CSMD3: variants seen among roughly 807,000 people sequenced by gnomAD.
The protein encoded by CSMD3 is CUB and Sushi multiple domains 3, also known as CUB and sushi domain-containing protein 3.
A neutral mutation model predicts 435.2 loss-of-function variants in CSMD3; 177 were observed. That is an observed-to-expected ratio of 0.41 (90% CI 0.36 to 0.46). The LOEUF (loss-of-function observed/expected upper bound fraction) is 0.46. Ranked by LOEUF, CSMD3 falls within the 20% of genes least tolerant of loss-of-function variation. The probability of loss-of-function intolerance (pLI) is 0.34; values close to 1 mark genes in which losing one functional copy is unlikely to be tolerated. For missense variants in CSMD3, 4,265 were observed against 4,504.6 expected (o/e 0.95, Z 1.52); for synonymous variants, 1,656 against 1,520.5 (o/e 1.09, Z -2.07).
intron 28 of CSMD3, among the ~76,000 whole-genome samples, chr8:112,507,486 G>A (rs1211143631): frequency 5.3e-5 from 8 of 152,236 alleles, no homozygotes; most frequent in Admixed American, 4.6e-4. Context: ...CTTCGTGGTG[G>A]GATGGGAGAG....
At chr8:112,638,259 A>C (rs1586860017) in intron 21 of CSMD3, among the ~76,000 whole-genome samples, 1 of 149,628 alleles carries the variant, frequency 6.7e-6, no homozygotes, top group South Asian at 2.1e-4. Context: ...TGGCCTGTTG[A>C]CTATGCCTTC....
chr8:113,360,935 T>C (rs1412871902), intron 1 of CSMD3, among the ~76,000 whole-genome samples: 2 of 152,130 alleles, frequency 1.3e-5, no homozygotes, highest in Non-Finnish European at 2.9e-5. Context: ...TTCAAAGAAA[T>C]GGAAACATTT....
At chr8:113,326,395 CAAT>C (rs1175269786) in intron 1 of CSMD3, among the ~76,000 whole-genome samples, 17 of 151,690 alleles carry the variant, frequency 1.1e-4, no homozygotes. Context: ...ATAACATCTA[CAAT>C]AATAATAACA....
chr8:112,765,666 T>C (rs549624471), intron 13 of CSMD3, among the ~76,000 whole-genome samples: 2 of 151,810 alleles, frequency 1.3e-5, no homozygotes, highest in East Asian at 1.9e-4. Context: ...GCTAAGTTCT[T>C]ATTTGCTAGA....
At chr8:113,399,360 AC>A (rs781505255) in intron 1 of CSMD3, among the ~76,000 whole-genome samples, 6 of 151,588 alleles carry the variant, frequency 4.0e-5, no homozygotes, top group Non-Finnish European at 8.8e-5. Context: ...TTCACAGAAA[AC>A]CTCGTATGCA....
At chr8:113,320,652 C>T (rs1166151542) in intron 1 of CSMD3, among the ~76,000 whole-genome samples, 1 of 152,046 alleles carries the variant, frequency 6.6e-6, no homozygotes, top group Non-Finnish European at 1.5e-5. Flanking sequence ...TTCTTGTCAT[C>T]TTTGTGCATT....
At chr8:113,236,571 C>T (rs1170524894) in intron 3 of CSMD3, among the ~76,000 whole-genome samples, 4 of 151,980 alleles carry the variant, frequency 2.6e-5, no homozygotes, top group South Asian at 2.1e-4. Context: ...TGCCCTTGGA[C>T]ATTAGAACTC....
chr8:112,472,757 T>A (rs1162147386), intron 31 of CSMD3, 50 bp from the exon 32 acceptor site: 1 of 954,182 alleles, frequency 1.0e-6, no homozygotes. Flanking sequence ...TTTTAAAAAA[T>A]TCATACCATG....
At chr8:112,372,284 A>C (rs1828471330) in intron 38 of CSMD3, among the ~76,000 whole-genome samples, 1 of 152,180 alleles carries the variant, frequency 6.6e-6, no homozygotes, top group Admixed American at 6.5e-5. Flanking sequence ...TACAAAATTC[A>C]TGTGTGAAAA....
At chr8:112,810,851 C>G (rs1295559594) in intron 12 of CSMD3, among the ~76,000 whole-genome samples, 1 of 151,814 alleles carries the variant, frequency 6.6e-6, no homozygotes, top group Non-Finnish European at 1.5e-5. Flanking sequence ...TAAGTTACAC[C>G]TTAGGCTTGG....
intron 4 of CSMD3, among the ~76,000 whole-genome samples, chr8:113,104,939 C>T (rs563986460): frequency 3.3e-5 from 5 of 151,928 alleles, no homozygotes; most frequent in East Asian, 1.9e-4. Context: ...ATTTACCTTC[C>T]AAAGAGACAT....
At chr8:112,476,642 G>T (rs1306266952) in intron 31 of CSMD3, among the ~76,000 whole-genome samples, 1 of 152,094 alleles carries the variant, frequency 6.6e-6, no homozygotes, top group East Asian at 1.9e-4. Context: ...ATAATTAATT[G>T]TAATTTTGCT....
intron 3 of CSMD3, among the ~76,000 whole-genome samples, chr8:113,176,023 A>T (rs1588208815): frequency 6.6e-6 from 1 of 152,228 alleles, no homozygotes; most frequent in Non-Finnish European, 1.5e-5. Context: ...TACCTAAAGC[A>T]AAATGGAAAT....
At position 112,380,473 on chromosome 8, in the gene CSMD3, G is replaced by A. The variant is rs2131235803; in HGVS notation, c.6032-17C>T. The A allele has an allele frequency of 7.8e-7, 1 of 1,283,984 alleles. No individual in the cohort carries two copies. Among genetic ancestry groups the A allele is most frequent in the Non-Finnish European group, 1.1e-6 (1 of 879,852 alleles). 79.5% of individuals were successfully genotyped at this position (1,283,984 alleles called of 1,614,324 possible). A position where few individuals can be genotyped will look rare whatever the true frequency, so the allele number is the denominator to read the frequency against. Reference sequence around the variant, plus strand: ...TTGTTGTTCCTGAAATGATATATGAGAAGGCAAGACAATGACCACATAATA... The same window carrying A: ...TTGTTGTTCCTGAAATGATATATGAAAAGGCAAGACAATGACCACATAATA... On this transcript the variant is annotated splice_polypyrimidine_tract_variant and intron_variant, in intron 37 of 70. Coordinates refer to ENST00000297405, the MANE Select transcript of CSMD3 (RefSeq NM_198123.2).
At chr8:113,416,486 G>A (rs1331745736) in intron 1 of CSMD3, among the ~76,000 whole-genome samples, 4 of 152,000 alleles carry the variant, frequency 2.6e-5, no homozygotes, top group Non-Finnish European at 4.4e-5. Context: ...TCCATGATGT[G>A]GAAACTATTA....
intron 16 of CSMD3, among the ~76,000 whole-genome samples, chr8:112,668,462 T>C (rs569533774): frequency 6.6e-6 from 1 of 152,120 alleles, no homozygotes; most frequent in South Asian, 2.1e-4. Context: ...AAATTAACAA[T>C]TGAGAAATGG....
intron 26 of CSMD3, 144 bp from the exon 27 acceptor site, chr8:112,551,017 C>A (rs1563692044): frequency 4.7e-6 from 3 of 638,638 alleles, no homozygotes; most frequent in East Asian, 5.6e-5. Context: ...AGCATATATT[C>A]TTAATATATT....
chr8:112,756,128 C>T (rs115448632), intron 13 of CSMD3, among the ~76,000 whole-genome samples: 137 of 152,170 alleles, frequency 9.0e-4, no homozygotes, highest in African/African-American at 2.7e-3. Context: ...TAGGTATAAT[C>T]GTGAGGGCTG....
At chr8:112,874,139 T>C (rs981487972) in intron 10 of CSMD3, among the ~76,000 whole-genome samples, 3 of 152,184 alleles carry the variant, frequency 2.0e-5, no homozygotes, top group African/African-American at 7.2e-5. Flanking sequence ...AAAGAACTTA[T>C]TTATTTCTGC....
Sources: gnomAD v4.1 joint callset for allele counts (sites outside exome capture counted in the v4.1 genomes callset) on GRCh38, gnomAD v4.1.1 for gene constraint, MANE v1.5 for transcripts, NCBI Gene and HGNC (gene_info 2026-07-23, HGNC 2026-07-21) for gene names.